The following NBEA variants were observed in gnomAD, a reference collection of about 807,000 sequenced individuals.
The protein encoded by NBEA is lysosomal-trafficking regulator 2.
NBEA carries 44 observed loss-of-function variants against 343.4 expected under a neutral mutation model. The observed-to-expected ratio is 0.13, with a 90% CI of 0.10 to 0.16. NBEA has a LOEUF of 0.16. Ranked by LOEUF, NBEA falls within the 10% of genes least tolerant of loss-of-function variation. The pLI, the probability that NBEA is intolerant of heterozygous loss-of-function variation, is 1.00. For missense variants in NBEA, 2,555 were observed against 3,631.3 expected (o/e 0.70, Z 7.62); for synonymous variants, 1,175 against 1,238.7 (o/e 0.95, Z 1.08).
chr13:35,060,693 A>G (rs1326450499), intron 8 of NBEA, among the ~76,000 whole-genome samples: 2 of 144,568 alleles, frequency 1.4e-5, no homozygotes, highest in African/African-American at 4.9e-5. Flanking sequence ...GGCATCAGCA[A>G]AAATTTTTTA....
chr13:35,161,671 C>A, intron 22 of NBEA, 79 bp from the exon 23 acceptor site: 1 of 1,166,554 alleles, frequency 8.6e-7, no homozygotes, highest in Non-Finnish European at 1.2e-6. Context: ...GCATTATTCA[C>A]TTTACTATAC....
At chr13:35,425,888 T>G (rs1752398539) in intron 38 of NBEA, among the ~76,000 whole-genome samples, 1 of 152,200 alleles carries the variant, frequency 6.6e-6, no homozygotes, top group Non-Finnish European at 1.5e-5. Context: ...ATTGATCCCT[T>G]TACCATTATG....
At chr13:35,387,968 G>C (rs1215024612) in intron 38 of NBEA, among the ~76,000 whole-genome samples, 1 of 152,060 alleles carries the variant, frequency 6.6e-6, no homozygotes, top group Non-Finnish European at 1.5e-5. Context: ...CCTCTTAATA[G>C]AGGAAAATCT....
chr13:35,383,280 A>AAGG (rs1473948066), intron 38 of NBEA, among the ~76,000 whole-genome samples: 1 of 152,178 alleles, frequency 6.6e-6, no homozygotes, highest in East Asian at 1.9e-4. Flanking sequence ...TTGAGAATAG[A>AAGG]AGGACGTATA....
intron 38 of NBEA, among the ~76,000 whole-genome samples, chr13:35,418,146 G>C (rs1304790245): frequency 1.3e-5 from 2 of 152,060 alleles, no homozygotes; most frequent in Non-Finnish European, 2.9e-5. Flanking sequence ...CTGCATGTGA[G>C]ATGTGTCTCC....
intron 11 of NBEA, among the ~76,000 whole-genome samples, chr13:35,105,228 T>G (rs2065860635): frequency 6.6e-6 from 1 of 152,028 alleles, no homozygotes; most frequent in African/African-American, 2.4e-5. Context: ...CTTTCTGTCC[T>G]TTAATTTCTT....
At chr13:35,596,513 G>A (rs2081813018) in intron 47 of NBEA, among the ~76,000 whole-genome samples, 1 of 152,080 alleles carries the variant, frequency 6.6e-6, no homozygotes, top group Admixed American at 6.6e-5. Context: ...CTCTATTAAT[G>A]TCAGTCTCTT....
At chr13:35,402,994 CACTT>C (rs1435889502) in intron 38 of NBEA, among the ~76,000 whole-genome samples, 1 of 152,036 alleles carries the variant, frequency 6.6e-6, no homozygotes, top group Non-Finnish European at 1.5e-5. Flanking sequence ...ACTTCCACCT[CACTT>C]AGTGGAGAAG....
Position 35,432,855 on chromosome 13 carries a change from CTG to C in NBEA, c.6304+465_6304+466del, listed in dbSNP as rs541225993. ...CATGTAATATATATACATATGTATA[CTG>C]TGAGTATATGTTTATGTATGCATAT... On this transcript the variant is annotated intron_variant, in intron 39 of 58. Transcript: ENST00000379939. Among the ~76,000 whole-genome samples the C allele has an allele frequency of 6.7e-4, 102 of 151,458 alleles. No homozygotes were observed. In the South Asian group the frequency reaches 0.019, roughly 29 times the overall value.
At chr13:35,425,415 A>G (rs540459107) in intron 38 of NBEA, among the ~76,000 whole-genome samples, 4 of 152,304 alleles carry the variant, frequency 2.6e-5, no homozygotes, top group African/African-American at 9.6e-5. Flanking sequence ...CCCAGTAGTC[A>G]TTCAGGAGCA....
chr13:35,338,172 G>C (rs2039376772), intron 36 of NBEA, among the ~76,000 whole-genome samples: 1 of 151,192 alleles, frequency 6.6e-6, no homozygotes, highest in South Asian at 2.1e-4. Context: ...AAAACCAAAA[G>C]TTGATCCTTT....
At chr13:35,599,373 G>A (rs964157593) in intron 47 of NBEA, among the ~76,000 whole-genome samples, 1 of 152,204 alleles carries the variant, frequency 6.6e-6, no homozygotes, top group Non-Finnish European at 1.5e-5. Context: ...TCAGAGTTAA[G>A]GCTCAAAAAG....
At position 35,288,538 on chromosome 13, in the gene NBEA, A is replaced by G. The variant is rs189372104; in HGVS notation, c.5777-1851A>G. Among the ~76,000 whole-genome samples, 451 of 152,026 alleles carry G rather than the reference A, an allele frequency of 3.0e-3. 2 individuals carry two copies. The highest frequency in any genetic ancestry group is 0.01 in the African/African-American group (434 of 41,516). On this transcript the variant is annotated intron_variant, in intron 34 of 58. Transcript: ENST00000379939. ...GTCAATTTTTTGCCATTCCTTTTGA[A>G]CAAAGCATTAATGAAGCATTTGTTT...
chr13:35,126,093 G>A (rs2067118502), intron 17 of NBEA, among the ~76,000 whole-genome samples: 2 of 152,296 alleles, frequency 1.3e-5, no homozygotes, highest in East Asian at 3.9e-4. Flanking sequence ...TGTAAAGGGT[G>A]GGACCAGGTA....
chr13:35,321,754 C>T (rs1226408361), intron 36 of NBEA, among the ~76,000 whole-genome samples: 1 of 152,062 alleles, frequency 6.6e-6, no homozygotes, highest in African/African-American at 2.4e-5. Context: ...TCTATAAGCT[C>T]CTGACTGGGG....
intron 1 of NBEA, among the ~76,000 whole-genome samples, chr13:34,996,879 C>T (rs1166938104): frequency 6.6e-6 from 1 of 152,054 alleles, no homozygotes; most frequent in South Asian, 2.1e-4. Flanking sequence ...GAAAAATTGC[C>T]AGTAATCTCA....
chr13:35,459,270 A>G (rs1293768618), intron 40 of NBEA, among the ~76,000 whole-genome samples: 1 of 152,114 alleles, frequency 6.6e-6, no homozygotes, highest in African/African-American at 2.4e-5. Context: ...TACATATTCC[A>G]TAGCTATTGT....
rs189579362 is a variant in NBEA, at chr13:35,439,017, C to A, written c.6304+6624C>A. Among the ~76,000 whole-genome samples, 31 of 152,290 alleles carry A rather than the reference C, an allele frequency of 2.0e-4. No homozygotes were observed. In the East Asian group the frequency reaches 5.8e-3, roughly 28 times the overall value. On this transcript the variant is annotated intron_variant, in intron 39 of 58. Transcript: ENST00000379939. The stretch of plus-strand genomic sequence containing the variant: ...GCAGTTATTGAATAACTTCTACATA[C>A]TATGCACGTGCTACCTGCTGGATTT...
At chr13:35,429,129 A>G (rs1012883619) in intron 38 of NBEA, among the ~76,000 whole-genome samples, 2 of 152,170 alleles carry the variant, frequency 1.3e-5, no homozygotes, top group African/African-American at 4.8e-5. Flanking sequence ...TTACTGTCCA[A>G]TGGGAGGTGG....
Sources: allele counts gnomAD v4.1 joint callset (sites outside exome capture counted in the v4.1 genomes callset), GRCh38; gene constraint gnomAD v4.1.1; transcripts MANE v1.5; gene names NCBI Gene and HGNC (gene_info 2026-07-23, HGNC 2026-07-21).